The following AGMO variants were observed in gnomAD, a reference collection of about 807,000 sequenced individuals.
AGMO encodes the protein alkylglycerol monooxygenase.
Under a neutral mutation model 60.2 loss-of-function variants are expected in AGMO, and 75 were observed. That is an observed-to-expected ratio of 1.25 (90% CI 1.03 to 1.51). The LOEUF is 1.51. AGMO is among the 40% of genes most tolerant of loss of function. The pLI is 0.00. For synonymous variants in AGMO, 261 were observed against 177.1 expected (o/e 1.47, Z -3.76); for missense variants, 763 against 525.5 (o/e 1.45, Z -4.42).
At chr7:15,532,210 G>A (rs1353160238) in intron 3 of AGMO, among the ~76,000 whole-genome samples, 2 of 152,090 alleles carry the variant, frequency 1.3e-5, no homozygotes, top group African/African-American at 4.8e-5. Flanking sequence ...CAAAATAGTT[G>A]GTGATTTATA....
At chr7:15,306,945 A>G (rs144933619) in intron 12 of AGMO, among the ~76,000 whole-genome samples, 1 of 152,172 alleles carries the variant, frequency 6.6e-6, no homozygotes, top group East Asian at 1.9e-4. Flanking sequence ...ATCATGAGAA[A>G]TAATCATTAA....
chr7:15,399,194 A>T (rs1784489644), intron 5 of AGMO, among the ~76,000 whole-genome samples: 1 of 152,138 alleles, frequency 6.6e-6, no homozygotes, highest in South Asian at 2.1e-4. Context: ...AGAACTATGG[A>T]TGCCTAGAAG....
intron 12 of AGMO, among the ~76,000 whole-genome samples, chr7:15,344,341 G>A (rs1781959669): frequency 6.6e-6 from 1 of 152,094 alleles, no homozygotes; most frequent in Non-Finnish European, 1.5e-5. Flanking sequence ...TTTCCAACAG[G>A]ACTAATTGTT....
At chr7:15,245,752 T>G (rs924447986) in intron 12 of AGMO, among the ~76,000 whole-genome samples, 5 of 152,224 alleles carry the variant, frequency 3.3e-5, no homozygotes, top group African/African-American at 9.6e-5. Flanking sequence ...ATTTAATTCC[T>G]AAGTACAAGT....
chr7:15,428,091 T>C (rs981748158), intron 4 of AGMO, among the ~76,000 whole-genome samples: 1 of 151,006 alleles, frequency 6.6e-6, no homozygotes, highest in Non-Finnish European at 1.5e-5. Context: ...CTAAAATACA[T>C]TGTTACCTTG....
intron 12 of AGMO, among the ~76,000 whole-genome samples, chr7:15,324,533 C>G (rs900022000): frequency 2.6e-5 from 4 of 152,050 alleles, no homozygotes; most frequent in Non-Finnish European, 5.9e-5. Context: ...CCCTACATGG[C>G]CAGAGGCCCC....
chr7:15,280,588 C>A (rs1748607656), intron 12 of AGMO, among the ~76,000 whole-genome samples: 1 of 152,280 alleles, frequency 6.6e-6, no homozygotes, highest in South Asian at 2.1e-4. Flanking sequence ...ATCCAGAATA[C>A]CTCTCCTGGG....
At chr7:15,276,378 G>T (rs758513605) in intron 12 of AGMO, among the ~76,000 whole-genome samples, 2 of 151,842 alleles carry the variant, frequency 1.3e-5, no homozygotes, top group Non-Finnish European at 2.9e-5. Flanking sequence ...CTTCTGGCTT[G>T]TAAGGTTTCT....
chr7:15,202,476 A>AAC, intron 12 of AGMO, among the ~76,000 whole-genome samples: 1 of 144,880 alleles, frequency 6.9e-6, no homozygotes, highest in East Asian at 2.0e-4. Context: ...AAAAAAAAAA[A>AAC]AAAAAAAAAA....
At chr7:15,142,717 T>C in the AGMO span, among the ~76,000 whole-genome samples, 6 of 152,124 alleles carry the variant, frequency 3.9e-5, no homozygotes, top group Admixed American at 3.9e-4. Context: ...CCTGAAGCTG[T>C]GGAATACAAA....
chr7:15,338,892 A>G (rs1002001106), intron 12 of AGMO, among the ~76,000 whole-genome samples: 4 of 152,212 alleles, frequency 2.6e-5, no homozygotes, highest in Non-Finnish European at 5.9e-5. Flanking sequence ...ATAAGCATTT[A>G]CACCTTAAAC....
chr7:15,307,355 C>G (rs931955259), intron 12 of AGMO, among the ~76,000 whole-genome samples: 5 of 151,900 alleles, frequency 3.3e-5, no homozygotes, highest in Non-Finnish European at 5.9e-5. Flanking sequence ...AGGCATTTAC[C>G]ATTACTTATA....
chr7:15,123,935 G>C, the AGMO span, among the ~76,000 whole-genome samples: 1 of 152,030 alleles, frequency 6.6e-6, no homozygotes, highest in African/African-American at 2.4e-5. Context: ...ATAACTTTTT[G>C]TAGCACTTCT....
intron 12 of AGMO, among the ~76,000 whole-genome samples, chr7:15,311,963 G>C (rs1002874545): frequency 3.9e-5 from 6 of 152,178 alleles, no homozygotes; most frequent in African/African-American, 1.4e-4. Flanking sequence ...TTTAATATCA[G>C]ATTGTAAAAC....
chr7:15,120,950 G>T, the AGMO span, among the ~76,000 whole-genome samples: 1 of 151,914 alleles, frequency 6.6e-6, no homozygotes, highest in African/African-American at 2.4e-5. Context: ...TTAGGTATTT[G>T]TCCTAATGCT....
At chr7:15,400,178 T>C (rs537555365) in intron 5 of AGMO, among the ~76,000 whole-genome samples, 2 of 152,324 alleles carry the variant, frequency 1.3e-5, no homozygotes, top group South Asian at 4.1e-4. Flanking sequence ...ATCGTGATTG[T>C]TTGACAATAG....
intron 12 of AGMO, chr7:15,306,254 C>CT (rs1169656543): frequency 1.7e-5 from 4 of 238,206 alleles, no homozygotes; most frequent in Admixed American, 5.5e-5. Flanking sequence ...TTTTGAAGGT[C>CT]TTTTTTTATT....
At chr7:15,197,056 G>T (rs1563029821), downstream of AGMO, among the ~76,000 whole-genome samples, 6 of 148,382 alleles carry the variant, frequency 4.0e-5, no homozygotes, top group South Asian at 4.3e-4. Context: ...TTTTGTTGTT[G>T]TTTTTTTTTT....
At chr7:15,186,356 T>C in the AGMO span, among the ~76,000 whole-genome samples, 2 of 152,232 alleles carry the variant, frequency 1.3e-5, no homozygotes, top group East Asian at 3.9e-4. Context: ...TACTTTCTAA[T>C]GATAATCATT....
Sources: allele counts gnomAD v4.1 joint callset (sites outside exome capture counted in the v4.1 genomes callset), GRCh38; gene constraint gnomAD v4.1.1; transcripts MANE v1.5; gene names NCBI Gene and HGNC (gene_info 2026-07-23, HGNC 2026-07-21).